COX16: variants seen among roughly 807,000 people sequenced by gnomAD.
The protein encoded by COX16 is cytochrome c oxidase assembly factor COX16.
COX16 carries 12 observed loss-of-function variants against 15.4 expected under a neutral mutation model. That is an observed-to-expected ratio of 0.78 (90% confidence interval 0.50 to 1.26). The LOEUF is 1.26. Among genes scored for constraint, COX16 ranks in the 50% most tolerant of loss-of-function variants. The pLI is 0.00. For missense variants in COX16, 124 were observed against 127.6 expected, an observed-to-expected ratio of 0.97 and a Z score of 0.14; for synonymous variants, 46 against 41.1, an observed-to-expected ratio of 1.12 and a Z score of -0.46.
chr14:70,347,040 A>G (rs572773030), intron 1 of COX16, among the ~76,000 whole-genome samples: 55 of 152,116 alleles, frequency 3.6e-4, no homozygotes, highest in African/African-American at 1.2e-3. Context: ...GCTGTTTAGA[A>G]TATTTCCACA....
chr14:70,330,976 A>C (rs1333863527), intron 2 of COX16, among the ~76,000 whole-genome samples: 1 of 152,020 alleles, frequency 6.6e-6, no homozygotes, highest in African/African-American at 2.4e-5. Flanking sequence ...GTTTCTTAAA[A>C]ATCATAAAGT....
Position 70,357,158 on chromosome 14 carries a change from C to CAAAAAAAA in COX16, c.69+2353_69+2360dup, listed in dbSNP as rs4048531. ...CAGACTTCTCCTAGGAAGCGTTTGT[C>CAAAAAAAA]AAAAAAAAAAAAAAAAAAAAAAAAA... On this transcript the variant is annotated intron_variant, in intron 1 of 3. Transcript: ENST00000389912. Among the ~76,000 whole-genome samples the CAAAAAAAA allele has an allele frequency of 3.3e-3, 260 of 78,692 alleles. 7 individuals are homozygous for CAAAAAAAA. Among genetic ancestry groups the CAAAAAAAA allele is most frequent in the Non-Finnish European group, 4.6e-3 (191 of 41,426 alleles). 51.6% of individuals were successfully genotyped at this position (78,692 alleles called of 152,430 possible). A position where few individuals can be genotyped will look rare whatever the true frequency, so the allele number is the denominator to read the frequency against.
At chr14:70,352,641 T>C (rs1446829081) in intron 1 of COX16, among the ~76,000 whole-genome samples, 1 of 77,420 alleles carries the variant, frequency 1.3e-5, no homozygotes, top group African/African-American at 3.3e-5. Context: ...ATTTCTTTTT[T>C]TTTCTTTTTT....
In COX16 at chr14:70,326,380, G is replaced by C; in HGVS notation, c.274C>G (p.Leu92Val). 1 of 1,596,770 alleles carries C rather than the reference G, an allele frequency of 6.3e-7. No individual in the cohort carries two copies. Among genetic ancestry groups the C allele is most frequent in the Admixed American group, 1.7e-5 (1 of 58,452 alleles). The change falls in exon 4 of 4, where the codon CTC becomes GTC. Residue 92 changes from leucine to valine, a missense_variant. By Grantham distance (32) the Leu-to-Val change is conservative. Transcript: ENST00000389912. ...CTTTCTGGATTTCTTCCTTGGAGGA[G>C]GTCAGGATCTTCCCAAGGCCTGGGT... ...RGPRPWEDPD[L>V]LQGRNPESLK...
At chr14:70,343,382 T>C (rs1566602131) in intron 1 of COX16, among the ~76,000 whole-genome samples, 1 of 152,258 alleles carries the variant, frequency 6.6e-6, no homozygotes, top group East Asian at 1.9e-4. Context: ...AAATAAACTC[T>C]ATAACATTAT....
At chr14:70,354,185 T>G (rs1466862182) in intron 1 of COX16, among the ~76,000 whole-genome samples, 1 of 152,018 alleles carries the variant, frequency 6.6e-6, no homozygotes, top group African/African-American at 2.4e-5. Context: ...AAAACTTCTA[T>G]GCTGACAAAT....
At chr14:70,338,361 C>G (rs1014464388) in intron 2 of COX16, among the ~76,000 whole-genome samples, 5 of 152,196 alleles carry the variant, frequency 3.3e-5, no homozygotes, top group Non-Finnish European at 7.3e-5. Flanking sequence ...ATCCACCAAC[C>G]TTGGCCTCCC....
At chr14:70,338,466 G>A (rs1418181716) in intron 2 of COX16, among the ~76,000 whole-genome samples, 2 of 152,036 alleles carry the variant, frequency 1.3e-5, no homozygotes, top group Non-Finnish European at 2.9e-5. Flanking sequence ...TAAGAGCTAA[G>A]GTGGACATTT....
At chr14:70,333,429 CAATG>C (rs1886352581) in intron 2 of COX16, among the ~76,000 whole-genome samples, 1 of 151,932 alleles carries the variant, frequency 6.6e-6, no homozygotes, top group Non-Finnish European at 1.5e-5. Context: ...CTGAAAAATA[CAATG>C]AATGAAACAA....
chr14:70,354,835 T>TGC (rs1486992594), intron 1 of COX16, among the ~76,000 whole-genome samples: 8 of 77,428 alleles, frequency 1.0e-4, no homozygotes, highest in Non-Finnish European at 1.9e-4. Flanking sequence ...ATAGAGTGTG[T>TGC]GTGTGCGTGT....
At chr14:70,357,306 G>A (rs1887161331) in intron 1 of COX16, among the ~76,000 whole-genome samples, 1 of 151,918 alleles carries the variant, frequency 6.6e-6, no homozygotes. Flanking sequence ...AGAAAGTCAT[G>A]CAAATAACTA....
intron 1 of COX16, among the ~76,000 whole-genome samples, chr14:70,345,004 G>A (rs1403757685): frequency 2.6e-5 from 4 of 151,048 alleles, no homozygotes; most frequent in Non-Finnish European, 4.4e-5. Flanking sequence ...CTGTTGGTGC[G>A]CTCTCAGGGT....
chr14:70,359,249 G>C (rs1445331850), intron 1 of COX16: 2 of 567,872 alleles, frequency 3.5e-6, no homozygotes, highest in East Asian at 8.0e-5. Flanking sequence ...CAATGACCGC[G>C]TTCGACGATG....
At chr14:70,329,379 C>A in intron 2 of COX16, 143 bp from the exon 3 acceptor site, 7 of 570,860 alleles carry the variant, frequency 1.2e-5, no homozygotes, top group Non-Finnish European at 2.1e-5. Flanking sequence ...ACTCTGATCA[C>A]ATAATGATAA....
Position 70,326,280 on chromosome 14 carries a change from G to C in COX16, c.*53C>G, listed in dbSNP as rs1195823917. 7.4e-7 allele frequency: 1 copy of C among 1,347,186 alleles called. No individual in the cohort carries two copies. Among genetic ancestry groups the C allele is most frequent in the Non-Finnish European group, 9.7e-7 (1 of 1,031,546 alleles). The allele number at this position is 1,347,186 out of a possible 1,614,324, so 83.5% of individuals were successfully genotyped here. ...ATAGAAGTATATATTAGGAAGTCCA[G>C]TTAATAATATTTTTATTTAAAAAAA... On this transcript the variant is annotated 3_prime_UTR_variant, in exon 4 of 4. Transcript: ENST00000389912.
chr14:70,334,466 G>A lies in COX16; in HGVS notation c.142-5230C>T, dbSNP rs555201984. ...TGGAAGGCAGAGGTGGCAGTGAGCC[G>A]AGATTGCACCACTGCACTCCAGCCT... On this transcript the variant is annotated intron_variant, in intron 2 of 3. Transcript: ENST00000389912. 1.1e-4 allele frequency among the ~76,000 whole-genome samples: 16 copies of A among 152,286 alleles called. No individual in the cohort carries two copies. The South Asian group carries it at 1.9e-3, about 18-fold the overall frequency.
At chr14:70,335,096 A>G (rs1000207560) in intron 2 of COX16, among the ~76,000 whole-genome samples, 57 of 152,232 alleles carry the variant, frequency 3.7e-4, no homozygotes, top group Non-Finnish European at 2.4e-4. Flanking sequence ...AAAACTAAAA[A>G]GAGACAACGA....
At chr14:70,352,053 G>A (rs1306064381) in intron 1 of COX16, among the ~76,000 whole-genome samples, 2 of 151,878 alleles carry the variant, frequency 1.3e-5, no homozygotes, top group African/African-American at 2.4e-5. Flanking sequence ...ACTGGGAAGT[G>A]TGGTAAATTT....
intron 2 of COX16, among the ~76,000 whole-genome samples, chr14:70,341,528 G>A (rs535350340): frequency 7.4e-4 from 113 of 152,308 alleles, no homozygotes; most frequent in African/African-American, 2.5e-3. Flanking sequence ...TATGTGTCCT[G>A]AATTTCACAA....
Sources: gnomAD v4.1 joint callset for allele counts (sites outside exome capture counted in the v4.1 genomes callset) on GRCh38, gnomAD v4.1.1 for gene constraint, MANE v1.5 for transcripts, NCBI Gene and HGNC (gene_info 2026-07-23, HGNC 2026-07-21) for gene names.